The following NIBAN2 variants were observed in gnomAD, a reference collection of about 807,000 sequenced individuals.
The protein encoded by NIBAN2 is niban apoptosis regulator 2, also known as protein Niban 2.
Under a neutral mutation model 81.8 loss-of-function variants are expected in NIBAN2, and 36 were observed. That is an observed-to-expected ratio of 0.44 (90% CI 0.34 to 0.58). The LOEUF is 0.58. NIBAN2 is among the 20% of genes least tolerant of loss of function. The pLI is 0.02. For missense variants in NIBAN2, 897 were observed against 1,014.1 expected (o/e 0.88, Z 1.57); for synonymous variants, 445 against 441.6 (o/e 1.01, Z -0.10).
At chr9:127,519,299 A>G (rs1836891937) in intron 5 of NIBAN2, among the ~76,000 whole-genome samples, 1 of 151,822 alleles carries the variant, frequency 6.6e-6, no homozygotes, top group Non-Finnish European at 1.5e-5. Context: ...AGCAAGGTAA[A>G]CCCCTGAGTG....
At chr9:127,534,958 C>T (rs146704852) in intron 1 of NIBAN2, among the ~76,000 whole-genome samples, 150 of 152,312 alleles carry the variant, frequency 9.8e-4, no homozygotes, top group African/African-American at 3.5e-3. Context: ...CGTGCTACGG[C>T]AGGTTTTACG....
upstream of NIBAN2, chr9:127,569,200 C>T (rs1302915301): frequency 2.0e-6 from 1 of 499,242 alleles, no homozygotes; most frequent in Non-Finnish European, 2.5e-6. Context: ...CACCCCGCCC[C>T]GCCCCGCCCC....
At chr9:127,516,834 C>T (rs763485045) in intron 8 of NIBAN2, 23 bp downstream of exon 8, 10 of 1,600,204 alleles carry the variant, frequency 6.2e-6, no homozygotes, top group Admixed American at 1.7e-5. Flanking sequence ...GAGGGCCCGT[C>T]GAGCACGGGG....
upstream of NIBAN2, among the ~76,000 whole-genome samples, chr9:127,569,332 T>C (rs1227565997): frequency 6.7e-6 from 1 of 150,274 alleles, no homozygotes; most frequent in Non-Finnish European, 1.5e-5. Context: ...GGGACCGCCC[T>C]GGAGAAGGAG....
chr9:127,535,873 T>C (rs1449033813), intron 1 of NIBAN2, among the ~76,000 whole-genome samples: 2 of 151,542 alleles, frequency 1.3e-5, no homozygotes, highest in African/African-American at 2.4e-5. Flanking sequence ...AGCAGCCAAA[T>C]AGTTACTAAG....
chr9:127,531,820 T>C, intron 1 of NIBAN2, 42 bp from the exon 2 acceptor site: 1 of 1,611,492 alleles, frequency 6.2e-7, no homozygotes, highest in East Asian at 2.2e-5. Flanking sequence ...TCCTCAGGGA[T>C]GCTGATGCAT....
At chr9:127,561,526 C>G (rs911623238) in intron 1 of NIBAN2, among the ~76,000 whole-genome samples, 4 of 152,202 alleles carry the variant, frequency 2.6e-5, no homozygotes, top group Admixed American at 6.5e-5. Context: ...AAGACTCAGA[C>G]AGGTTGACTA....
At chr9:127,551,143 C>G (rs751283434) in intron 1 of NIBAN2, among the ~76,000 whole-genome samples, 2 of 152,182 alleles carry the variant, frequency 1.3e-5, no homozygotes, top group Non-Finnish European at 2.9e-5. Flanking sequence ...AATCCCAACA[C>G]TTTAGGAGGC....
rs201308735 is a variant in NIBAN2 at position 127,507,295 on chromosome 9, G to A, written c.1791C>T (p.Gly597=). 38 of 1,595,378 alleles carry A rather than the reference G, an allele frequency of 2.4e-5. No individual in the cohort carries two copies. Among genetic ancestry groups the A allele is most frequent in the African/African-American group, 2.1e-4 (16 of 74,502 alleles). The change falls in exon 14 of 14, where the codon GGC becomes GGT. Residue 597 remains glycine (G), a synonymous_variant. Coordinates refer to ENST00000373312, the MANE Select transcript of NIBAN2 (RefSeq NM_022833.4). This position sits in a 1 kb window ranked among gnomAD's most constrained non-coding sequence, Gnocchi z 6.8. ...IDWGEEYSNS[G]GGGSPSPSTP... Reference sequence around the variant, plus strand: ...TGCTGGGGCTGGGGCTGCCGCCCCCGCCGCTGTTGCTGTACTCCTCGCCCC... The same window carrying A: ...TGCTGGGGCTGGGGCTGCCGCCCCCACCGCTGTTGCTGTACTCCTCGCCCC...
At chr9:127,524,517 G>A (rs1326101358) in intron 4 of NIBAN2, among the ~76,000 whole-genome samples, 1 of 152,194 alleles carries the variant, frequency 6.6e-6, no homozygotes, top group Non-Finnish European at 1.5e-5. Context: ...TCAGGGGAGG[G>A]GGGGTGACTC....
intron 1 of NIBAN2, among the ~76,000 whole-genome samples, chr9:127,548,963 G>A (rs1191320476): frequency 6.6e-6 from 1 of 152,212 alleles, no homozygotes; most frequent in Non-Finnish European, 1.5e-5. Flanking sequence ...CTGGCGGGTA[G>A]GGAAGGCCTC....
chr9:127,507,083 G>A lies in NIBAN2; in HGVS notation c.2003C>T (p.Pro668Leu). The stretch of plus-strand genomic sequence containing the variant: ...GGCCCCGTTGAGCAGGGGGCCGGCT[G>A]GTGGGGGGCTCTCAGGCCGCAGACC... ...AQGLRPESPPPAGPLLNGAPA... is the reference protein window; with the variant it reads ...AQGLRPESPPLAGPLLNGAPA... The change falls in exon 14 of 14, where the codon CCA (proline) becomes CTA (leucine). Residue 668 changes from proline to leucine, a missense_variant. By Grantham distance (98) the Pro-to-Leu change is moderately conservative. Coordinates refer to ENST00000373312, the MANE Select transcript of NIBAN2 (RefSeq NM_022833.4). The surrounding 1 kb of genome is among the most constrained non-coding windows in gnomAD (Gnocchi z 6.8). 2 of 1,577,532 alleles carry A rather than the reference G, an allele frequency of 1.3e-6. No homozygotes were observed. The highest frequency in any genetic ancestry group is 1.7e-6 in the Non-Finnish European group (2 of 1,161,914).
intron 1 of NIBAN2, among the ~76,000 whole-genome samples, chr9:127,546,477 A>G (rs1837474006): frequency 6.6e-6 from 1 of 152,106 alleles, no homozygotes; most frequent in African/African-American, 2.4e-5. Context: ...TGTTCCCCTC[A>G]GCGTCCAGCC....
At chr9:127,537,494 G>A (rs1837300538) in intron 1 of NIBAN2, among the ~76,000 whole-genome samples, 1 of 152,200 alleles carries the variant, frequency 6.6e-6, no homozygotes, top group Non-Finnish European at 1.5e-5. Flanking sequence ...GATAATGATG[G>A]GAGGCCTTCC....
At chr9:127,518,437 G>A (rs1836874419) in intron 5 of NIBAN2, among the ~76,000 whole-genome samples, 1 of 152,156 alleles carries the variant, frequency 6.6e-6, no homozygotes, top group African/African-American at 2.4e-5. Context: ...ACTTTGCCTG[G>A]AACAGGCTAG....
Position 127,517,326 on chromosome 9 carries a change from C to G in NIBAN2, c.706-110G>C. The G allele has an allele frequency of 4.7e-6, 4 of 842,430 alleles. No homozygotes were observed. Among genetic ancestry groups the G allele is most frequent in the Non-Finnish European group, 7.6e-6 (4 of 528,940 alleles). The allele number at this position is 842,430 out of a possible 1,614,324, so 52.2% of individuals were successfully genotyped here. A position where few individuals can be genotyped will look rare whatever the true frequency, so the allele number is the denominator to read the frequency against. On this transcript the variant is annotated intron_variant, in intron 6 of 13. Transcript: ENST00000373312. This position sits in a 1 kb window ranked among gnomAD's most constrained non-coding sequence, Gnocchi z 4.0. Reference sequence around the variant, plus strand: ...GCTGCAGCCCCCACCTCCTCCGCGACTGGCCCATTGCTTCACCCTCCCTGC... The same window carrying G: ...GCTGCAGCCCCCACCTCCTCCGCGAGTGGCCCATTGCTTCACCCTCCCTGC...
chr9:127,565,932 T>C (rs1215936652), intron 1 of NIBAN2, among the ~76,000 whole-genome samples: 1 of 130,816 alleles, frequency 7.6e-6, no homozygotes, highest in Non-Finnish European at 1.6e-5. Context: ...AGACCCTGTC[T>C]CTCTCTCTCT....
At chr9:127,574,833 TG>T (rs1388620353) in intron 1 of NIBAN2, among the ~76,000 whole-genome samples, 2 of 152,152 alleles carry the variant, frequency 1.3e-5, no homozygotes, top group African/African-American at 4.8e-5. Context: ...AACTGTTGGG[TG>T]GTGGAAAGGT....
At chr9:127,547,315 G>A (rs1270878315) in intron 1 of NIBAN2, among the ~76,000 whole-genome samples, 3 of 151,908 alleles carry the variant, frequency 2.0e-5, no homozygotes, top group African/African-American at 7.3e-5. Flanking sequence ...TCAGGAGTTT[G>A]AGACCAGCCT....
Sources: gnomAD v4.1 joint callset for allele counts (sites outside exome capture counted in the v4.1 genomes callset) on GRCh38, gnomAD v4.1.1 for gene constraint, Gnocchi (gnomAD v3.1) non-coding constraint, MANE v1.5 for transcripts, NCBI Gene and HGNC (gene_info 2026-07-23, HGNC 2026-07-21) for gene names.